SEC22B: variants seen among roughly 807,000 people sequenced by gnomAD.
SEC22B encodes the protein SEC22 homolog B, vesicle trafficking protein, also known as vesicle-trafficking protein SEC22b.
A neutral mutation model predicts 31.4 loss-of-function variants in SEC22B; 10 were observed. The ratio of observed to expected loss-of-function variants is 0.32; its 90% CI spans 0.20 to 0.54. The LOEUF (loss-of-function observed/expected upper bound fraction) is 0.54, where lower values mean the gene tolerates loss of function less well. SEC22B is among the 20% of genes least tolerant of loss of function. SEC22B has a pLI of 0.94. For synonymous variants in SEC22B, 60 were observed against 95.9 expected, an observed-to-expected ratio of 0.63 and a Z score of 2.19; for missense variants, 130 against 263.4, an observed-to-expected ratio of 0.49 and a Z score of 3.50.
In SEC22B at chr1:120,176,329, G is replaced by A. The variant is rs1657963820; in HGVS notation, c.53C>T (p.Ala18Val). Residue 18 changes from alanine (A) to valine (V), a missense_variant, in exon 1 of 5, where the codon GCC becomes GTC. Coordinates refer to ENST00000578049, the MANE Select transcript of SEC22B (RefSeq NM_004892.6). ...ARVADGLPLA[A>V]SMQEDEQSGR... ...CACCTGTTCGTCCTCCTGCATCGAG[G>A]CGGCCAGCGGGAGCCCGTCCGCCAC... The A allele has an allele frequency of 6.2e-7, 1 of 1,612,216 alleles. No individual in the cohort carries two copies. Among genetic ancestry groups the A allele is most frequent in the Non-Finnish European group, 8.5e-7 (1 of 1,179,710 alleles).
chr1:120,150,944 C>A lies in SEC22B; in HGVS notation c.*6094G>T, dbSNP rs1165572605. On this transcript the variant is annotated 3_prime_UTR_variant, in exon 5 of 5. Coordinates refer to ENST00000578049, the MANE Select transcript of SEC22B (RefSeq NM_004892.6). ...TAGAAGAGGCAGCATTGTTTTATAA[C>A]AACTCACTCTCTTGGGAACTAACCA... 1.3e-5 allele frequency: 2 copies of A among 152,160 alleles called. No homozygotes were observed. The highest frequency in any genetic ancestry group is 3.2e-3 in the Middle Eastern group (1 of 316). 9.4% of individuals were successfully genotyped at this position (152,160 alleles called of 1,614,324 possible).
rs1201211581 is a variant in SEC22B, at chr1:120,172,957, C to T, written c.75+3350G>A. Among the ~76,000 whole-genome samples, 3 of 150,068 alleles carry T rather than the reference C, an allele frequency of 2.0e-5. 1 individual carries two copies. The highest frequency in any genetic ancestry group is 5.0e-5 in the African/African-American group (2 of 39,854). ...CTAGACACACAACCACAATACTTTTCGTTGCTGTCACCTAAGACTGCTGAA... is the reference window on the plus strand; with the variant it reads ...CTAGACACACAACCACAATACTTTTTGTTGCTGTCACCTAAGACTGCTGAA... On this transcript the variant is annotated intron_variant, in intron 1 of 4. Coordinates refer to ENST00000578049, the MANE Select transcript of SEC22B (RefSeq NM_004892.6).
At chr1:120,167,495 T>C (rs1177132927) in intron 2 of SEC22B, among the ~76,000 whole-genome samples, 1 of 152,030 alleles carries the variant, frequency 6.6e-6, no homozygotes, top group African/African-American at 2.4e-5. Context: ...CTTCTTTATA[T>C]ATACTCCCCT....
chr1:120,151,086 CAT>C lies in SEC22B; in HGVS notation c.*5950_*5951del, dbSNP rs1408074932. ...TATTACATTGGCAATTGAACTACAA[CAT>C]GAGTTTTGGAGGGGCCAAACAACAT... On this transcript the variant is annotated 3_prime_UTR_variant, in exon 5 of 5. Coordinates refer to ENST00000578049, the MANE Select transcript of SEC22B (RefSeq NM_004892.6). 2 of 152,244 alleles carry C rather than the reference CAT, an allele frequency of 1.3e-5. No individual in the cohort carries two copies. The highest frequency in any genetic ancestry group is 2.4e-5 in the African/African-American group (1 of 41,452). The allele number at this position is 152,244 out of a possible 1,614,324, so 9.4% of individuals were successfully genotyped here. A position where few individuals can be genotyped will look rare whatever the true frequency, so the allele number is the denominator to read the frequency against.
In SEC22B at chr1:120,151,890, G is replaced by C. The variant is rs1657548066; in HGVS notation, c.*5148C>G. 1 of 151,898 alleles carries C rather than the reference G, an allele frequency of 6.6e-6. No individual in the cohort carries two copies. The highest frequency in any genetic ancestry group is 2.1e-4 in the South Asian group (1 of 4,712). The allele number at this position is 151,898 out of a possible 1,614,324, so 9.4% of individuals were successfully genotyped here. ...TAGTTAGAGGTGAAAGAAGAAAGCAGAGGAGTCTAATGCAATGCGTGACTT... is the reference window on the plus strand; with the variant it reads ...TAGTTAGAGGTGAAAGAAGAAAGCACAGGAGTCTAATGCAATGCGTGACTT... On this transcript the variant is annotated 3_prime_UTR_variant, in exon 5 of 5. Coordinates refer to ENST00000578049, the MANE Select transcript of SEC22B (RefSeq NM_004892.6).
At chr1:120,175,882 A>G (rs1229281753) in intron 1 of SEC22B, among the ~76,000 whole-genome samples, 2 of 152,220 alleles carry the variant, frequency 1.3e-5, no homozygotes, top group African/African-American at 4.8e-5. Context: ...CACTTTCAAA[A>G]GATGTCAGCA....
intron 1 of SEC22B, among the ~76,000 whole-genome samples, chr1:120,170,649 T>C (rs1657880576): frequency 6.7e-6 from 1 of 149,582 alleles, no homozygotes; most frequent in Admixed American, 6.6e-5. Flanking sequence ...ATTTGTTATA[T>C]ATTTGAGAAA....
rs1167663336 is a variant in SEC22B, at chr1:120,163,199, C to T, written c.346+11G>A. On this transcript the variant is annotated intron_variant, in intron 3 of 4. Coordinates refer to ENST00000578049, the MANE Select transcript of SEC22B (RefSeq NM_004892.6). ...TCCCTTGATAGAGAGAAGTGAGGGG[C>T]AAAAACTTACCAAATTCAATAAAGG... 8.1e-6 allele frequency: 11 copies of T among 1,350,724 alleles called. No homozygotes were observed. The East Asian group carries it at 2.8e-4, about 34-fold the overall frequency. 83.7% of individuals were successfully genotyped at this position (1,350,724 alleles called of 1,614,324 possible).
At chr1:120,163,138 T>C in intron 3 of SEC22B, 72 bp downstream of exon 3, 2 of 554,106 alleles carry the variant, frequency 3.6e-6, no homozygotes, top group South Asian at 9.1e-5. Context: ...ATAAATATTA[T>C]ATCAGTGTAA....
chr1:120,161,994 G>A (rs1293842757), intron 3 of SEC22B, among the ~76,000 whole-genome samples: 4 of 139,080 alleles, frequency 2.9e-5, no homozygotes, highest in Non-Finnish European at 4.5e-5. Flanking sequence ...GGAAGAAGGA[G>A]AACAGACAGT....
At chr1:120,164,313 TA>T (rs1431742152) in intron 2 of SEC22B, among the ~76,000 whole-genome samples, 3 of 145,274 alleles carry the variant, frequency 2.1e-5, no homozygotes, top group Non-Finnish European at 4.5e-5. Flanking sequence ...CTTGAGGATG[TA>T]TATGTGCGGG....
chr1:120,153,865 A>G lies in SEC22B; in HGVS notation c.*3173T>C, dbSNP rs587706432. The G allele has an allele frequency of 1.3e-4, 19 of 149,376 alleles. 1 individual carries two copies. The South Asian group carries it at 4.0e-3, about 32-fold the overall frequency. The allele number at this position is 149,376 out of a possible 1,614,324, so 9.3% of individuals were successfully genotyped here. A position where few individuals can be genotyped will look rare whatever the true frequency, so the allele number is the denominator to read the frequency against. ...TGCATGTACACAGGAACATTTTTCT[A>G]GAGTAATGGCACATACCTTTCATCA... On this transcript the variant is annotated 3_prime_UTR_variant, in exon 5 of 5. Transcript: ENST00000578049.
At chr1:120,167,152 C>T (rs1383739828) in intron 2 of SEC22B, among the ~76,000 whole-genome samples, 3 of 150,282 alleles carry the variant, frequency 2.0e-5, no homozygotes, top group Admixed American at 6.6e-5. Context: ...TGCTTTTAGT[C>T]TACACCATCT....
chr1:120,163,251 T>G lies in SEC22B; in HGVS notation c.305A>C (p.Lys102Thr), dbSNP rs1657747947. 6.3e-7 allele frequency: 1 copy of G among 1,595,654 alleles called. No homozygotes were observed. Among genetic ancestry groups the G allele is most frequent in the Non-Finnish European group, 8.6e-7 (1 of 1,168,190 alleles). Residue 102 changes from lysine to threonine, a missense_variant, in exon 3 of 5, where the codon AAG becomes ACG. Physicochemically the swap from Lys to Thr is moderately conservative, Grantham distance 78. Transcript: ENST00000578049. ...HSEFDEQHGK[K>T]VPTVSRPYSF... The stretch of plus-strand genomic sequence containing the variant: ...ATAGGGTCGGGACACAGTGGGCACC[T>G]TCTTTCCATGCTGTTCATCAAATTC...
At position 120,176,396 on chromosome 1, in the gene SEC22B, G is replaced by A; in HGVS notation, c.-15C>T. ...AGCAACACCATCTTCACAAACTACAGGGATCCAACACTGGCCCGGAAGGCC... is the reference window on the plus strand; with the variant it reads ...AGCAACACCATCTTCACAAACTACAAGGATCCAACACTGGCCCGGAAGGCC... On this transcript the variant is annotated 5_prime_UTR_variant, in exon 1 of 5. Coordinates refer to ENST00000578049, the MANE Select transcript of SEC22B (RefSeq NM_004892.6). 1.2e-6 allele frequency: 2 copies of A among 1,613,142 alleles called. No individual in the cohort carries two copies. Among genetic ancestry groups the A allele is most frequent in the Admixed American group, 1.7e-5 (1 of 59,980 alleles).
chr1:120,169,540 A>G (rs1657863118), intron 1 of SEC22B, among the ~76,000 whole-genome samples: 1 of 152,254 alleles, frequency 6.6e-6, no homozygotes, highest in Admixed American at 6.5e-5. Flanking sequence ...CCAAGTTTGG[A>G]CAGCAAAAGT....
intron 1 of SEC22B, among the ~76,000 whole-genome samples, chr1:120,170,046 G>A (rs1657870487): frequency 6.7e-6 from 1 of 148,890 alleles, no homozygotes; most frequent in African/African-American, 2.5e-5. Context: ...CAGCCAGAAG[G>A]TGACATCTAT....
chr1:120,161,568 G>A (rs1657718595), intron 3 of SEC22B, among the ~76,000 whole-genome samples: 1 of 152,138 alleles, frequency 6.6e-6, no homozygotes, highest in African/African-American at 2.4e-5. Flanking sequence ...TCATGGCAGC[G>A]TGCACCTCTA....
Position 120,152,709 on chromosome 1 carries a change from GAAT to G in SEC22B, c.*4326_*4328del, listed in dbSNP as rs1378908890. 7.2e-6 allele frequency: 1 copy of G among 139,484 alleles called. No homozygotes were observed. The highest frequency in any genetic ancestry group is 1.5e-5 in the Non-Finnish European group (1 of 67,198). The allele number at this position is 139,484 out of a possible 1,614,324, so 8.6% of individuals were successfully genotyped here. A position where few individuals can be genotyped will look rare whatever the true frequency, so the allele number is the denominator to read the frequency against. On this transcript the variant is annotated 3_prime_UTR_variant, in exon 5 of 5. Coordinates refer to ENST00000578049, the MANE Select transcript of SEC22B (RefSeq NM_004892.6). Reference sequence around the variant, plus strand: ...TAATGAAGTAAATTTAAAAAGTACGGAATAATAAAAAGAAATTGCAAAAAATAA... The same window carrying G: ...TAATGAAGTAAATTTAAAAAGTACGGAATAAAAAGAAATTGCAAAAAATAA...
Sources: gnomAD v4.1 joint callset for allele counts (sites outside exome capture counted in the v4.1 genomes callset) on GRCh38, gnomAD v4.1.1 for gene constraint, MANE v1.5 for transcripts, NCBI Gene and HGNC (gene_info 2026-07-23, HGNC 2026-07-21) for gene names.